TTC39B: variants seen among roughly 807,000 people sequenced by gnomAD.
The protein encoded by TTC39B is tetratricopeptide repeat protein 39B.
TTC39B carries 92 observed loss-of-function variants against 96.6 expected under a neutral mutation model. That is an observed-to-expected ratio of 0.95 (90% CI 0.80 to 1.13). The LOEUF (loss-of-function observed/expected upper bound fraction) is 1.13. Ranked by LOEUF, TTC39B falls within the 50% of genes most tolerant of loss-of-function variation. TTC39B has a pLI of 0.00. For synonymous variants in TTC39B, 367 were observed against 299.4 expected (o/e 1.23, Z -2.33); for missense variants, 955 against 809.3 (o/e 1.18, Z -2.18).
chr9:15,166,982 T>TTTTTTATATATA (rs1387664027), exon 20 of TTC39B: 5 of 20,280 alleles, frequency 2.5e-4, no homozygotes, highest in Non-Finnish European at 4.4e-4. Context: ...AACCTTTATT[T>TTTTTTATATATA]TATATATATA....
chr9:15,214,985 G>A (rs770482706), intron 3 of TTC39B, among the ~76,000 whole-genome samples: 7 of 152,222 alleles, frequency 4.6e-5, no homozygotes, highest in African/African-American at 1.2e-4. Flanking sequence ...AAACCAGCAC[G>A]CATGTTTGGC....
At chr9:15,236,463 C>A (rs1053578777) in intron 2 of TTC39B, among the ~76,000 whole-genome samples, 7 of 152,126 alleles carry the variant, frequency 4.6e-5, no homozygotes, top group African/African-American at 1.7e-4. Context: ...GGGTTACAGA[C>A]CAAATGGACC....
chr9:15,260,279 T>G (rs947335297), intron 2 of TTC39B, among the ~76,000 whole-genome samples: 2 of 76,280 alleles, frequency 2.6e-5, no homozygotes, highest in Admixed American at 1.1e-4. Context: ...CTCATTGTGT[T>G]TTTTTTTTTT....
intron 1 of TTC39B, among the ~76,000 whole-genome samples, chr9:15,298,291 G>A (rs1292355619): frequency 6.6e-6 from 1 of 152,148 alleles, no homozygotes; most frequent in Non-Finnish European, 1.5e-5. Flanking sequence ...CACGCTACCA[G>A]CCTCTGCAGC....
chr9:15,214,096 A>T (rs1303334682), intron 4 of TTC39B, 43 bp downstream of exon 4: 1 of 1,423,844 alleles, frequency 7.0e-7, no homozygotes, highest in Non-Finnish European at 9.8e-7. Context: ...ATCATCAGAA[A>T]CATCTGAAAG....
chr9:15,277,500 T>G (rs1039694424), intron 1 of TTC39B, among the ~76,000 whole-genome samples: 16 of 152,090 alleles, frequency 1.1e-4, no homozygotes, highest in African/African-American at 3.6e-4. Context: ...ACCCATAAGT[T>G]ATGGAACCTC....
rs762987494 is a variant in TTC39B, at chr9:15,182,299, ATACT to A, written c.1723+4_1723+7del. 1.9e-6 allele frequency: 3 copies of A among 1,588,922 alleles called. No individual in the cohort carries two copies. The highest frequency in any genetic ancestry group is 3.4e-5 in the Admixed American group (2 of 58,556). On this transcript the variant is annotated splice_donor_5th_base_variant and intron_variant, in intron 17 of 19. Coordinates refer to ENST00000512701, the Ensembl canonical transcript of TTC39B. The stretch of plus-strand genomic sequence containing the variant: ...AAAGGCTCCTCGGTGCTTACTGTGT[ATACT>A]TACTTTGACTTTGTAAAGCTGCCTC...
exon 20 of TTC39B, chr9:15,165,836 A>G (rs1343850278): frequency 2.0e-5 from 3 of 152,256 alleles, no homozygotes; most frequent in East Asian, 1.9e-4. Flanking sequence ...CTACAATTCA[A>G]TAAGAGATTT....
At chr9:15,264,752 A>C (rs990518238) in intron 2 of TTC39B, among the ~76,000 whole-genome samples, 3 of 144,872 alleles carry the variant, frequency 2.1e-5, no homozygotes, top group African/African-American at 5.5e-5. Context: ...TATATATCTT[A>C]TAACATCATG....
intron 15 of TTC39B, chr9:15,186,494 C>A (rs929153969): frequency 2.0e-5 from 3 of 153,064 alleles, no homozygotes; most frequent in Admixed American, 1.3e-4. Context: ...ACATCTTTCA[C>A]ATAAACTGTT....
Position 15,199,842 on chromosome 9 carries a change from A to T in TTC39B, c.824+19T>A. The T allele has an allele frequency of 2.1e-6, 3 of 1,431,658 alleles. No homozygotes were observed. Among genetic ancestry groups the T allele is most frequent in the African/African-American group, 1.4e-5 (1 of 70,550 alleles). 88.7% of individuals were successfully genotyped at this position (1,431,658 alleles called of 1,614,324 possible). ...CAGCACAAAATTATTTACAAACCACATCTTACTTTTTAACTTACTTATATA... is the reference window on the plus strand; with the variant it reads ...CAGCACAAAATTATTTACAAACCACTTCTTACTTTTTAACTTACTTATATA... On this transcript the variant is annotated intron_variant, in intron 8 of 19. Coordinates refer to ENST00000512701, the Ensembl canonical transcript of TTC39B.
At chr9:15,281,837 C>T (rs905857615) in intron 1 of TTC39B, among the ~76,000 whole-genome samples, 4 of 151,808 alleles carry the variant, frequency 2.6e-5, no homozygotes, top group Admixed American at 6.6e-5. Flanking sequence ...CCATGTAGTC[C>T]GGCTAATTTT....
At chr9:15,263,768 T>C (rs1046601805) in intron 2 of TTC39B, among the ~76,000 whole-genome samples, 1 of 152,340 alleles carries the variant, frequency 6.6e-6, no homozygotes, top group African/African-American at 2.4e-5. Context: ...CTACCCCTTC[T>C]GATTTTGGGC....
rs189524405 is a variant in TTC39B at position 15,230,463 on chromosome 9, T to C, written c.276-4451A>G. ...AGATTTGCCTATTCTGGACATTTCA[T>C]ATCAATGGAATCATAAAAAGTATGG... On this transcript the variant is annotated intron_variant, in intron 2 of 19. Coordinates refer to ENST00000512701, the Ensembl canonical transcript of TTC39B. Among the ~76,000 whole-genome samples the C allele has an allele frequency of 8.2e-3, 1,242 of 152,346 alleles. 8 individuals carry two copies. The highest frequency in any genetic ancestry group is 0.014 in the Non-Finnish European group (934 of 68,034).
chr9:15,227,073 G>A (rs1026739923), intron 2 of TTC39B, among the ~76,000 whole-genome samples: 6 of 152,058 alleles, frequency 3.9e-5, no homozygotes, highest in South Asian at 4.1e-4. Context: ...TTGGGAGGCC[G>A]AGGCAGGTGG....
chr9:15,190,949 G>A (rs1450737468), intron 10 of TTC39B, among the ~76,000 whole-genome samples: 2 of 151,820 alleles, frequency 1.3e-5, no homozygotes, highest in Non-Finnish European at 2.9e-5. Context: ...AGCAATATTA[G>A]CAACACATAA....
chr9:15,226,513 T>A lies in TTC39B; in HGVS notation c.276-501A>T, dbSNP rs141833361. Among the ~76,000 whole-genome samples the A allele has an allele frequency of 3.9e-3, 598 of 152,354 alleles. 4 individuals are homozygous for A. The highest frequency in any genetic ancestry group is 0.013 in the African/African-American group (545 of 41,594). On this transcript the variant is annotated intron_variant, in intron 2 of 19. Transcript: ENST00000512701. Reference sequence around the variant, plus strand: ...GATAATTTGTTACCTGTCCCTCATTTTCAGGCATGTAGGTTACTCCCAAAG... The same window carrying A: ...GATAATTTGTTACCTGTCCCTCATTATCAGGCATGTAGGTTACTCCCAAAG...
intron 2 of TTC39B, among the ~76,000 whole-genome samples, chr9:15,250,871 T>A (rs1402789203): frequency 1.3e-5 from 2 of 152,182 alleles, no homozygotes; most frequent in African/African-American, 2.4e-5. Flanking sequence ...GAAACGTTTT[T>A]AGTATAGGAC....
intron 1 of TTC39B, among the ~76,000 whole-genome samples, chr9:15,281,178 AAACAACAAC>A (rs928531703): frequency 1.3e-5 from 2 of 152,034 alleles, no homozygotes; most frequent in Non-Finnish European, 2.9e-5. Context: ...AAAAATCTAA[AAACAACAAC>A]AACAACAACA....
Sources: allele counts gnomAD v4.1 joint callset (sites outside exome capture counted in the v4.1 genomes callset), GRCh38; gene constraint gnomAD v4.1.1; transcripts MANE v1.5; gene names NCBI Gene and HGNC (gene_info 2026-07-23, HGNC 2026-07-21).